MAGI2: variants seen among roughly 807,000 people sequenced by gnomAD.
MAGI2 encodes the protein membrane-associated guanylate kinase, WW and PDZ domain-containing protein 2.
A neutral mutation model predicts 133.3 loss-of-function variants in MAGI2; 35 were observed. The observed-to-expected ratio is 0.26, with a 90% confidence interval of 0.20 to 0.35. The LOEUF is 0.35. MAGI2 is among the 10% of genes least tolerant of loss of function. The probability of loss-of-function intolerance (pLI) is 1.00; values close to 1 mark genes in which losing one functional copy is unlikely to be tolerated. For synonymous variants in MAGI2, 729 were observed against 710.6 expected, an observed-to-expected ratio of 1.03 and a Z score of -0.41; for missense variants, 1,636 against 1,863.4, an observed-to-expected ratio of 0.88 and a Z score of 2.25.
At chr7:79,401,524 A>G (rs1381654664) in intron 1 of MAGI2, among the ~76,000 whole-genome samples, 6 of 152,168 alleles carry the variant, frequency 3.9e-5, no homozygotes, top group African/African-American at 1.4e-4. Flanking sequence ...ATTAAGTTGG[A>G]AAAAAGGCAC....
At chr7:78,546,783 T>C (rs760314636) in intron 3 of MAGI2, among the ~76,000 whole-genome samples, 1 of 152,196 alleles carries the variant, frequency 6.6e-6, no homozygotes. Flanking sequence ...TGCCACATAG[T>C]AGCTATGTAA....
At chr7:78,441,933 C>T (rs1231605321) in intron 6 of MAGI2, among the ~76,000 whole-genome samples, 1 of 152,150 alleles carries the variant, frequency 6.6e-6, no homozygotes, top group African/African-American at 2.4e-5. Context: ...TCCCAAATCT[C>T]ACATTTCCTT....
chr7:79,322,966 G>A (rs1037593767), intron 1 of MAGI2, among the ~76,000 whole-genome samples: 1 of 152,004 alleles, frequency 6.6e-6, no homozygotes, highest in African/African-American at 2.4e-5. Context: ...AGCTTCCCAA[G>A]TAGCTGGGAC....
intron 6 of MAGI2, among the ~76,000 whole-genome samples, chr7:78,389,473 G>C (rs1469433954): frequency 1.3e-5 from 2 of 152,134 alleles, no homozygotes; most frequent in Admixed American, 6.6e-5. Flanking sequence ...CTACTGTTAG[G>C]TGCTCAACAC....
At chr7:79,391,277 A>G (rs1243247044) in intron 1 of MAGI2, among the ~76,000 whole-genome samples, 5 of 151,800 alleles carry the variant, frequency 3.3e-5, no homozygotes, top group Admixed American at 3.3e-4. Flanking sequence ...ATAATCCATA[A>G]ATTTTGCAAA....
chr7:79,437,468 T>C (rs1848228257), intron 1 of MAGI2, among the ~76,000 whole-genome samples: 1 of 152,098 alleles, frequency 6.6e-6, no homozygotes, highest in African/African-American at 2.4e-5. Flanking sequence ...TATATATTAG[T>C]AAACTAAGCT....
intron 2 of MAGI2, among the ~76,000 whole-genome samples, chr7:78,631,368 G>A (rs1216154719): frequency 6.6e-6 from 1 of 152,062 alleles, no homozygotes; most frequent in Non-Finnish European, 1.5e-5. Flanking sequence ...TCTGATCCCA[G>A]CACCTCCCTC....
intron 1 of MAGI2, among the ~76,000 whole-genome samples, chr7:79,105,957 T>C (rs1818418073): frequency 6.6e-6 from 1 of 152,152 alleles, no homozygotes; most frequent in Non-Finnish European, 1.5e-5. Flanking sequence ...ACACAAAATT[T>C]ACAAGAAGGA....
intron 1 of MAGI2, among the ~76,000 whole-genome samples, chr7:79,264,090 T>C (rs1745406121): frequency 6.6e-6 from 1 of 152,194 alleles, no homozygotes; most frequent in Non-Finnish European, 1.5e-5. Context: ...AGAACATCCT[T>C]TGTATTCTTT....
intron 2 of MAGI2, among the ~76,000 whole-genome samples, chr7:78,629,807 A>T (rs1057364475): frequency 4.6e-5 from 7 of 152,130 alleles, no homozygotes; most frequent in Non-Finnish European, 7.4e-5. Context: ...CTTTCTTGGT[A>T]AAGAGACAAT....
intron 1 of MAGI2, among the ~76,000 whole-genome samples, chr7:79,214,689 ATATT>A (rs1182521337): frequency 7.1e-6 from 1 of 140,080 alleles, no homozygotes; most frequent in Non-Finnish European, 1.5e-5. Flanking sequence ...TATATAATAT[ATATT>A]TATACATAAA....
chr7:78,202,987 T>C (rs1829404240), intron 10 of MAGI2, among the ~76,000 whole-genome samples: 1 of 152,196 alleles, frequency 6.6e-6, no homozygotes, highest in African/African-American at 2.4e-5. Context: ...AAAATACCAA[T>C]GAAAACAATT....
intron 2 of MAGI2, among the ~76,000 whole-genome samples, chr7:78,830,584 G>A (rs1791057412): frequency 6.6e-6 from 1 of 152,046 alleles, no homozygotes; most frequent in Non-Finnish European, 1.5e-5. Flanking sequence ...AAAATAATAT[G>A]TATTTTAGTT....
chr7:78,664,371 G>T (rs546749096), intron 2 of MAGI2, among the ~76,000 whole-genome samples: 1 of 151,988 alleles, frequency 6.6e-6, no homozygotes, highest in Non-Finnish European at 1.5e-5. Context: ...GAAGTGTAAT[G>T]TTGGTGTAGA....
At chr7:78,719,077 G>A (rs1158894697) in intron 2 of MAGI2, among the ~76,000 whole-genome samples, 1 of 152,168 alleles carries the variant, frequency 6.6e-6, no homozygotes, top group African/African-American at 2.4e-5. Flanking sequence ...AAAATAGGAT[G>A]AATATCTAGA....
In MAGI2 at chr7:78,407,654, C is replaced by CT. The variant is rs3061272; in HGVS notation, c.1046-38442dup. Among the ~76,000 whole-genome samples the CT allele has an allele frequency of 3.6e-3, 530 of 148,504 alleles. 12 individuals carry two copies. Among genetic ancestry groups the CT allele is most frequent in the Admixed American group, 0.028 (412 of 14,810 alleles). Reference sequence around the variant, plus strand: ...TATCAAGCTGCTGCAGCTTCTTCTACTTTTTTTTTTTTTTTAAATTCCAAC... The same window carrying CT: ...TATCAAGCTGCTGCAGCTTCTTCTACTTTTTTTTTTTTTTTTAAATTCCAAC... On this transcript the variant is annotated intron_variant, in intron 6 of 21. Coordinates refer to ENST00000354212, the MANE Select transcript of MAGI2 (RefSeq NM_012301.4).
chr7:79,018,316 G>A (rs1334457787), intron 1 of MAGI2, among the ~76,000 whole-genome samples: 1 of 152,082 alleles, frequency 6.6e-6, no homozygotes, highest in Non-Finnish European at 1.5e-5. Context: ...AAGTGAAGGA[G>A]AAATAAAATC....
intron 2 of MAGI2, among the ~76,000 whole-genome samples, chr7:78,863,030 CAACTTTTAAGG>C: frequency 6.6e-6 from 1 of 152,174 alleles, no homozygotes; most frequent in East Asian, 1.9e-4. Context: ...CAGCCTAATC[CAACTTTTAAGG>C]AAAAGGTCTT....
intron 6 of MAGI2, among the ~76,000 whole-genome samples, chr7:78,483,032 T>C (rs189970676): frequency 1.3e-5 from 2 of 151,912 alleles, no homozygotes; most frequent in African/African-American, 2.4e-5. Flanking sequence ...TGTACTTGTA[T>C]ACCTGGCAAA....
Sources: gnomAD v4.1 joint callset for allele counts (sites outside exome capture counted in the v4.1 genomes callset) on GRCh38, gnomAD v4.1.1 for gene constraint, MANE v1.5 for transcripts, NCBI Gene and HGNC (gene_info 2026-07-23, HGNC 2026-07-21) for gene names.